Variants in CA12 observed in about 807,000 individuals in gnomAD.
CA12 encodes carbonic anhydrase 12.
CA12 carries 36 observed loss-of-function variants against 46.8 expected under a neutral mutation model. The observed-to-expected ratio is 0.77, with a 90% CI of 0.59 to 1.02. The LOEUF (loss-of-function observed/expected upper bound fraction) is 1.02. CA12 is among the 50% of genes least tolerant of loss of function. The probability of loss-of-function intolerance (pLI) is 0.00; values close to 1 mark genes in which losing one functional copy is unlikely to be tolerated. For synonymous variants in CA12, 202 were observed against 187.0 expected (o/e 1.08, Z -0.65); for missense variants, 436 against 451.4 (o/e 0.97, Z 0.31).
chr15:63,361,110 C>T (rs540302919), intron 2 of CA12, among the ~76,000 whole-genome samples: 2 of 152,118 alleles, frequency 1.3e-5, no homozygotes, highest in South Asian at 2.1e-4. Flanking sequence ...TGGGGCAGGC[C>T]GTCTCTGGGC....
chr15:63,340,475 G>T lies in CA12; in HGVS notation c.590-30C>A. On this transcript the variant is annotated intron_variant, in intron 6 of 10. Coordinates refer to ENST00000178638, the MANE Select transcript of CA12 (RefSeq NM_001218.5). The surrounding 1 kb of genome is among the most constrained non-coding windows in gnomAD (Gnocchi z 4.4). Reference sequence around the variant, plus strand: ...AGAGACATGTTGCAGAGGTGATAGTGTCAGCCTCCCTCCGTAGGGCATAAG... The same window carrying T: ...AGAGACATGTTGCAGAGGTGATAGTTTCAGCCTCCCTCCGTAGGGCATAAG... 6.2e-7 allele frequency: 1 copy of T among 1,613,834 alleles called. No individual in the cohort carries two copies. The highest frequency in any genetic ancestry group is 8.5e-7 in the Non-Finnish European group (1 of 1,179,708).
At position 63,339,421 on chromosome 15, in the gene CA12, T is replaced by C. The variant is rs1260928761; in HGVS notation, c.748-476A>G. ...GATTGCGGGTTCCATGGCATTTTCATGCACCTGCATAGATTATATAACCCT... is the reference window on the plus strand; with the variant it reads ...GATTGCGGGTTCCATGGCATTTTCACGCACCTGCATAGATTATATAACCCT... On this transcript the variant is annotated intron_variant, in intron 7 of 10. Coordinates refer to ENST00000178638, the MANE Select transcript of CA12 (RefSeq NM_001218.5). The surrounding 1 kb of genome is among the most constrained non-coding windows in gnomAD (Gnocchi z 4.3). Among the ~76,000 whole-genome samples, 2 of 152,212 alleles carry C rather than the reference T, an allele frequency of 1.3e-5. No homozygotes were observed. The highest frequency in any genetic ancestry group is 2.4e-5 in the African/African-American group (1 of 41,450).
At chr15:63,344,135 A>G (rs1279410657) in intron 4 of CA12, among the ~76,000 whole-genome samples, 3 of 152,222 alleles carry the variant, frequency 2.0e-5, no homozygotes, top group African/African-American at 7.2e-5. Context: ...TTTATTTTGT[A>G]AGAATGCAGA....
rs2038789246 is a variant in CA12, at chr15:63,321,428, T to A, written c.*4857A>T. The A allele has an allele frequency of 1.3e-5, 2 of 152,242 alleles. No individual in the cohort carries two copies. The highest frequency in any genetic ancestry group is 4.8e-5 in the African/African-American group (2 of 41,466). 9.4% of individuals were successfully genotyped at this position (152,242 alleles called of 1,614,324 possible). On this transcript the variant is annotated 3_prime_UTR_variant, in exon 11 of 11. Transcript: ENST00000178638. The surrounding 1 kb of genome is among the most constrained non-coding windows in gnomAD (Gnocchi z 4.5). ...AATTATTCAATACAGCAAAGTAATC[T>A]GGCCCTTATCTCTGCCCAGTCATTC... is the stretch of plus-strand genomic sequence containing the variant.
rs185002550 is a variant in CA12 at position 63,351,327 on chromosome 15, C to T, written c.107-4618G>A. 4.6e-3 allele frequency among the ~76,000 whole-genome samples: 694 copies of T among 152,332 alleles called. 2 individuals are homozygous for T. The highest frequency in any genetic ancestry group is 0.015 in the African/African-American group (637 of 41,564). ...CTTCCCACAGGCAACCAGCCCCAGC[C>T]TTCCTTGTTACACTGCCAGGCTGGC... On this transcript the variant is annotated intron_variant, in intron 2 of 10. Transcript: ENST00000178638.
In CA12 at chr15:63,328,242, C is replaced by A; in HGVS notation, c.875-112G>T. ...TGTTTGGTCTTAGGCTGACAGACCTCTAGGGATGTCCACCCTTGGCTCAGG... is the reference window on the plus strand; with the variant it reads ...TGTTTGGTCTTAGGCTGACAGACCTATAGGGATGTCCACCCTTGGCTCAGG... On this transcript the variant is annotated intron_variant, in intron 8 of 10. Transcript: ENST00000178638. The surrounding 1 kb of genome is among the most constrained non-coding windows in gnomAD (Gnocchi z 5.9). 2 of 934,716 alleles carry A rather than the reference C, an allele frequency of 2.1e-6. No individual in the cohort carries two copies. Among genetic ancestry groups the A allele is most frequent in the Non-Finnish European group, 1.7e-6 (1 of 577,688 alleles). 57.9% of individuals were successfully genotyped at this position (934,716 alleles called of 1,614,324 possible).
At chr15:63,363,469 A>G (rs2019377) in intron 2 of CA12, among the ~76,000 whole-genome samples, 146,839 of 152,318 alleles carry the variant, frequency 0.96, 70,957 homozygotes, top group Non-Finnish European at 1. Flanking sequence ...GCTGCTGTGG[A>G]GACGCTGACC....
chr15:63,343,300 T>TTTTTA (rs55698877), intron 4 of CA12, among the ~76,000 whole-genome samples: 4 of 137,486 alleles, frequency 2.9e-5, no homozygotes, highest in Non-Finnish European at 6.7e-5. Context: ...TTTTTTTTTT[T>TTTTTA]AATGGAGTTT....
At chr15:63,346,004 A>G (rs74022911) in intron 3 of CA12, among the ~76,000 whole-genome samples, 2,574 of 152,322 alleles carry the variant, frequency 0.017, 76 homozygotes, top group African/African-American at 0.059. Flanking sequence ...GCTATTTATG[A>G]AGCATTTACT....
rs368612397 is a variant in CA12, at chr15:63,340,253, G to A, written c.747+35C>T. ...GGAGGATGATGGGGACTGAGGTGCC[G>A]CGTGGACTCTGGCTGAGTCTGGCAC... On this transcript the variant is annotated intron_variant, in intron 7 of 10. Coordinates refer to ENST00000178638, the MANE Select transcript of CA12 (RefSeq NM_001218.5). This position sits in a 1 kb window ranked among gnomAD's most constrained non-coding sequence, Gnocchi z 4.4. The A allele has an allele frequency of 2.5e-5, 40 of 1,612,692 alleles. No homozygotes were observed. The highest frequency in any genetic ancestry group is 5.5e-5 in the South Asian group (5 of 91,024).
chr15:63,360,427 G>A (rs1279461018), intron 2 of CA12, among the ~76,000 whole-genome samples: 1 of 152,180 alleles, frequency 6.6e-6, no homozygotes, highest in South Asian at 2.1e-4. Context: ...ATCTAAGACT[G>A]TTTGTTACAT....
intron 8 of CA12, among the ~76,000 whole-genome samples, chr15:63,335,809 C>G (rs1403384048): frequency 2.6e-5 from 4 of 152,140 alleles, no homozygotes; most frequent in African/African-American, 7.2e-5. Flanking sequence ...AGTCTCACAC[C>G]GTAAACCTGA....
intron 2 of CA12, among the ~76,000 whole-genome samples, chr15:63,356,377 A>C (rs1330101702): frequency 1.3e-5 from 2 of 152,226 alleles, no homozygotes; most frequent in Non-Finnish European, 2.9e-5. Flanking sequence ...TGGGTGACAG[A>C]GCATCTCAAA....
In CA12 at chr15:63,326,306, C is replaced by T. The variant is rs748557819; in HGVS notation, c.1044G>A (p.Met348Ile). ...KGVIYKPATK[M>I]ETEAHA ...GACCTCAAGCGTGGGCCTCAGTCTCCATCTTGGTGGCTGGCTTGTAAATGA... is the reference window on the plus strand; with the variant it reads ...GACCTCAAGCGTGGGCCTCAGTCTCTATCTTGGTGGCTGGCTTGTAAATGA... The change falls in exon 11 of 11, where the codon ATG becomes ATA. Residue 348 changes from methionine (M) to isoleucine (I), a missense_variant. Transcript: ENST00000178638. 1.2e-6 allele frequency: 2 copies of T among 1,614,092 alleles called. No individual in the cohort carries two copies. The highest frequency in any genetic ancestry group is 1.7e-5 in the Admixed American group (1 of 60,032).
intron 8 of CA12, among the ~76,000 whole-genome samples, chr15:63,338,404 C>T (rs1334037011): frequency 6.6e-6 from 1 of 152,134 alleles, no homozygotes; most frequent in African/African-American, 2.4e-5. Flanking sequence ...CTGGCCAGGC[C>T]TAAGATAGGC....
chr15:63,377,303 A>G (rs1278379837), intron 1 of CA12, among the ~76,000 whole-genome samples: 1 of 152,104 alleles, frequency 6.6e-6, no homozygotes, highest in East Asian at 1.9e-4. Context: ...TTCTCGACCC[A>G]CAAGGGTACA....
chr15:63,338,744 C>G, intron 8 of CA12, 75 bp downstream of exon 8: 1 of 1,591,622 alleles, frequency 6.3e-7, no homozygotes, highest in Non-Finnish European at 8.6e-7. Flanking sequence ...AGTGCCAGAG[C>G]TGCATTCACA....
chr15:63,379,899 G>C (rs78003059), intron 1 of CA12, among the ~76,000 whole-genome samples: 18 of 152,160 alleles, frequency 1.2e-4, no homozygotes, highest in African/African-American at 4.1e-4. Context: ...GAAGACACTT[G>C]ACTTCACATT....
At chr15:63,376,566 C>CTT (rs780641458) in intron 1 of CA12, among the ~76,000 whole-genome samples, 1 of 108,652 alleles carries the variant, frequency 9.2e-6, no homozygotes, top group Non-Finnish European at 1.9e-5. Context: ...TCCTTTCTTT[C>CTT]TTTCTTTCTT....
Sources: allele counts gnomAD v4.1 joint callset (sites outside exome capture counted in the v4.1 genomes callset), GRCh38; gene constraint gnomAD v4.1.1; non-coding constraint Gnocchi (gnomAD v3.1); transcripts MANE v1.5; gene names NCBI Gene and HGNC (gene_info 2026-07-23, HGNC 2026-07-21).